CDH19: variants seen among roughly 807,000 people sequenced by gnomAD.
CDH19 encodes cadherin-19.
A neutral mutation model predicts 64.2 loss-of-function variants in CDH19; 67 were observed. The observed-to-expected ratio is 1.04, with a 90% CI of 0.86 to 1.28. The LOEUF (loss-of-function observed/expected upper bound fraction) is 1.28, where lower values mean the gene tolerates loss of function less well. Ranked by LOEUF, CDH19 falls within the 50% of genes most tolerant of loss-of-function variation. The pLI is 0.00. For missense variants in CDH19, 1,030 were observed against 929.0 expected (o/e 1.11, Z -1.41); for synonymous variants, 346 against 319.3 (o/e 1.08, Z -0.89).
chr18:66,569,749 T>C (rs971160586), intron 2 of CDH19, among the ~76,000 whole-genome samples: 1 of 151,722 alleles, frequency 6.6e-6, no homozygotes, highest in Non-Finnish European at 1.5e-5. Context: ...TCCCTAATCA[T>C]TGTGAATCCA....
At chr18:66,509,881 G>A (rs538286245) in intron 10 of CDH19, among the ~76,000 whole-genome samples, 3 of 151,804 alleles carry the variant, frequency 2.0e-5, no homozygotes, top group Admixed American at 1.3e-4. Flanking sequence ...ATATCACATT[G>A]CTGTTATTAA....
chr18:66,585,319 G>A (rs1988544854), intron 1 of CDH19, among the ~76,000 whole-genome samples: 4 of 152,022 alleles, frequency 2.6e-5, no homozygotes, highest in Admixed American at 1.3e-4. Context: ...ACTGACTTTC[G>A]GGTTATTTTC....
At chr18:66,600,081 T>A (rs1989001391) in intron 1 of CDH19, among the ~76,000 whole-genome samples, 1 of 151,938 alleles carries the variant, frequency 6.6e-6, no homozygotes, top group South Asian at 2.1e-4. Context: ...TTGTGCCAGA[T>A]AGAATAAACA....
At chr18:66,515,228 G>C (rs949534235) in intron 9 of CDH19, among the ~76,000 whole-genome samples, 1 of 151,532 alleles carries the variant, frequency 6.6e-6, no homozygotes, top group Non-Finnish European at 1.5e-5. Flanking sequence ...ATTCTAGGTA[G>C]GTATACCTTG....
At chr18:66,559,111 T>C (rs962043322) in intron 3 of CDH19, among the ~76,000 whole-genome samples, 6 of 152,082 alleles carry the variant, frequency 3.9e-5, no homozygotes, top group Non-Finnish European at 7.4e-5. Flanking sequence ...TAAAATATTA[T>C]GGCTACTATT....
chr18:66,593,541 C>A (rs2144632888), intron 1 of CDH19, among the ~76,000 whole-genome samples: 1 of 151,938 alleles, frequency 6.6e-6, no homozygotes, highest in Non-Finnish European at 1.5e-5. Flanking sequence ...GTCGAAAAAA[C>A]CTCAGGGTAT....
rs373227615 is a variant in CDH19 at position 66,529,847 on chromosome 18, G to A, written c.1456C>T (p.Gln486Ter). The change falls in exon 9 of 12, where the codon CAG (glutamine) becomes TAG (stop). Residue 486 changes from glutamine (Q) to a stop codon, truncating the protein, a stop_gained and splice_region_variant. Transcript: ENST00000262150. LOFTEE classifies it high-confidence loss of function. ...TYVCENAGSG[Q>*]VIQTISAVDR... ...TGTAATTTATAATGAGTCCTTACCT[G>A]ACCAGAGCCTGCATTTTCACAAACA... 2 of 1,587,616 alleles carry A rather than the reference G, an allele frequency of 1.3e-6. No homozygotes were observed. Among genetic ancestry groups the A allele is most frequent in the East Asian group, 4.6e-5 (2 of 43,488 alleles).
chr18:66,576,099 A>T (rs1988258453), intron 1 of CDH19, among the ~76,000 whole-genome samples: 1 of 151,558 alleles, frequency 6.6e-6, no homozygotes, highest in African/African-American at 2.4e-5. Context: ...AAGCCTAAAG[A>T]ATACTCAATC....
At chr18:66,525,054 C>T (rs998048737) in intron 9 of CDH19, among the ~76,000 whole-genome samples, 8 of 152,070 alleles carry the variant, frequency 5.3e-5, no homozygotes, top group Non-Finnish European at 7.4e-5. Flanking sequence ...TTATCTGACA[C>T]GCATATTTAA....
chr18:66,516,068 G>T (rs1033150814), intron 9 of CDH19, among the ~76,000 whole-genome samples: 1 of 151,906 alleles, frequency 6.6e-6, no homozygotes, highest in African/African-American at 2.4e-5. Flanking sequence ...GGGGGTCAGA[G>T]AACCTTGTAT....
intron 3 of CDH19, among the ~76,000 whole-genome samples, chr18:66,557,757 A>G (rs1340302306): frequency 1.3e-5 from 2 of 151,864 alleles, no homozygotes; most frequent in Non-Finnish European, 2.9e-5. Context: ...ATATATAGGC[A>G]TATATGTATA....
intron 3 of CDH19, among the ~76,000 whole-genome samples, chr18:66,556,604 C>A (rs966853907): frequency 1.3e-5 from 2 of 151,848 alleles, no homozygotes; most frequent in Non-Finnish European, 2.9e-5. Flanking sequence ...AGATTTTCTT[C>A]TTTGATGAGA....
chr18:66,544,537 T>A (rs1987027094), intron 6 of CDH19, among the ~76,000 whole-genome samples, 182 bp downstream of exon 6: 1 of 152,196 alleles, frequency 6.6e-6, no homozygotes, highest in Non-Finnish European at 1.5e-5. Flanking sequence ...AAAAATGTTC[T>A]GCATATAATT....
chr18:66,547,923 T>G (rs1050959541), intron 5 of CDH19, among the ~76,000 whole-genome samples: 43 of 143,340 alleles, frequency 3.0e-4, no homozygotes, highest in Non-Finnish European at 6.0e-4. Flanking sequence ...CGCCTCGGCC[T>G]CCCAAAGTGC....
chr18:66,545,280 A>G (rs1297394808), intron 5 of CDH19, among the ~76,000 whole-genome samples: 1 of 151,874 alleles, frequency 6.6e-6, no homozygotes, highest in African/African-American at 2.4e-5. Context: ...GCCGGGTCGC[A>G]ATTGTAGCAT....
At chr18:66,591,660 A>G (rs1599041793) in intron 1 of CDH19, among the ~76,000 whole-genome samples, 1 of 151,894 alleles carries the variant, frequency 6.6e-6, no homozygotes. Flanking sequence ...ACGTCCGAAT[A>G]TAGATTTTGA....
chr18:66,581,232 T>C (rs1437292745), intron 1 of CDH19, among the ~76,000 whole-genome samples: 2 of 152,118 alleles, frequency 1.3e-5, no homozygotes, highest in African/African-American at 4.8e-5. Flanking sequence ...TATTTCAAAA[T>C]AAAAGTGCAC....
At chr18:66,599,190 C>T (rs1025324862) in intron 1 of CDH19, among the ~76,000 whole-genome samples, 1 of 151,810 alleles carries the variant, frequency 6.6e-6, no homozygotes, top group East Asian at 1.9e-4. Flanking sequence ...AAACGTGGTG[C>T]CAGATGGACT....
intron 9 of CDH19, among the ~76,000 whole-genome samples, chr18:66,523,985 G>A (rs1986107534): frequency 6.6e-6 from 1 of 151,988 alleles, no homozygotes; most frequent in Non-Finnish European, 1.5e-5. Context: ...GCATGAATGT[G>A]CGCCACGAAG....
Sources: allele counts gnomAD v4.1 joint callset (sites outside exome capture counted in the v4.1 genomes callset), GRCh38; gene constraint gnomAD v4.1.1; transcripts MANE v1.5; gene names NCBI Gene and HGNC (gene_info 2026-07-23, HGNC 2026-07-21).